LARGE1: variants seen among roughly 807,000 people sequenced by gnomAD.
LARGE1 encodes the protein xylosyl- and glucuronyltransferase LARGE1.
A neutral mutation model predicts 87.6 loss-of-function variants in LARGE1; 43 were observed. The ratio of observed to expected loss-of-function variants is 0.49; its 90% CI spans 0.38 to 0.63. LARGE1 has a LOEUF of 0.63. Among genes scored for constraint, LARGE1 ranks in the 30% least tolerant of loss-of-function variants. The pLI is 0.00. For missense variants in LARGE1, 802 were observed against 1,000.2 expected (o/e 0.80, Z 2.67); for synonymous variants, 434 against 394.6 (o/e 1.10, Z -1.18).
intron 1 of LARGE1, among the ~76,000 whole-genome samples, chr22:33,840,663 T>TC (rs1321281031): frequency 2.0e-5 from 3 of 149,630 alleles, no homozygotes; most frequent in Non-Finnish European, 4.4e-5. Context: ...TAATTCGACT[T>TC]AGATTTTTCA....
chr22:33,331,410 C>CT lies in LARGE1; in HGVS notation c.1287+6235dup, dbSNP rs35310608. ...TTTCTCTCTCTCTTTCTCTTCTTAT[C>CT]TTTTTTTTTTTTTTTTGACGGAGTC... On this transcript the variant is annotated intron_variant, in intron 10 of 14. Coordinates refer to ENST00000397394, the MANE Select transcript of LARGE1 (RefSeq NM_133642.5). Among the ~76,000 whole-genome samples the CT allele has an allele frequency of 6.1e-3, 827 of 135,460 alleles. 5 individuals carry two copies. The highest frequency in any genetic ancestry group is 8.8e-3 in the African/African-American group (313 of 35,512). The allele number at this position is 135,460 out of a possible 152,430, so 88.9% of individuals were successfully genotyped here. A position where few individuals can be genotyped will look rare whatever the true frequency, so the allele number is the denominator to read the frequency against.
chr22:33,106,633 T>C, the LARGE1 span, among the ~76,000 whole-genome samples: 11 of 152,054 alleles, frequency 7.2e-5, no homozygotes, highest in African/African-American at 2.7e-4. Context: ...GTAGCTGGGA[T>C]TACAGGCATG....
chr22:33,900,996 G>A lies in LARGE1; in HGVS notation c.-83+18999C>T, dbSNP rs113552867. Among the ~76,000 whole-genome samples the A allele has an allele frequency of 1.1e-4, 16 of 152,270 alleles. 1 individual carries two copies. Among genetic ancestry groups the A allele is most frequent in the South Asian group, 4.2e-4 (2 of 4,810 alleles). Reference sequence around the variant, plus strand: ...CGGGAGACAGAGGTTGCAGTGAGCCGAGATCGCGCTACTGCACTCTAACCT... The same window carrying A: ...CGGGAGACAGAGGTTGCAGTGAGCCAAGATCGCGCTACTGCACTCTAACCT... On this transcript the variant is annotated intron_variant, in intron 1 of 14. Transcript: ENST00000397394.
chr22:33,572,191 TA>T, intron 5 of LARGE1: 2 of 1,289,762 alleles, frequency 1.6e-6, no homozygotes, highest in Non-Finnish European at 1.0e-6. Flanking sequence ...TGACATATTT[TA>T]AAAAATTAAA....
chr22:33,828,100 C>T (rs972052081), intron 1 of LARGE1, among the ~76,000 whole-genome samples: 15 of 152,140 alleles, frequency 9.9e-5, no homozygotes, highest in African/African-American at 2.2e-4. Context: ...CCAGAAGAGA[C>T]GCAGTGTAAA....
upstream of LARGE1, among the ~76,000 whole-genome samples, chr22:33,921,344 G>A (rs957636164): frequency 1.1e-4 from 16 of 152,338 alleles, no homozygotes; most frequent in Middle Eastern, 3.4e-3. This position sits in a 1 kb window ranked among gnomAD's most constrained non-coding sequence, Gnocchi z 4.1. Flanking sequence ...GCTCCCGGCC[G>A]CCTCGGGCTT....
chr22:33,150,079 A>G, the LARGE1 span, among the ~76,000 whole-genome samples: 32 of 152,244 alleles, frequency 2.1e-4, no homozygotes, highest in East Asian at 6.0e-3. Context: ...TAAAACTTAA[A>G]TTTGTTTTAT....
In LARGE1 at chr22:33,337,731, T is replaced by C. The variant is rs759576401; in HGVS notation, c.1202A>G (p.Tyr401Cys). The C allele has an allele frequency of 1.2e-6, 2 of 1,613,942 alleles. No individual in the cohort carries two copies. The highest frequency in any genetic ancestry group is 8.5e-7 in the Non-Finnish European group (1 of 1,179,992). The change falls in exon 10 of 15, where the codon TAC becomes TGC. Residue 401 changes from tyrosine to cysteine, a missense_variant. Coordinates refer to ENST00000397394, the MANE Select transcript of LARGE1 (RefSeq NM_133642.5). ...NKHVEFFRNLYLTFLEYDGNL... is the reference protein window; with the variant it reads ...NKHVEFFRNLCLTFLEYDGNL... ...GCCGTCATACTCCAGGAAGGTCAGG[T>C]AGAGGTTGCGAAAAAACTCCACATG...
At chr22:33,786,595 T>G (rs1202301617) in intron 1 of LARGE1, among the ~76,000 whole-genome samples, 1 of 152,180 alleles carries the variant, frequency 6.6e-6, no homozygotes, top group Non-Finnish European at 1.5e-5. Context: ...AGAATTCTCC[T>G]CCCTTCAGAG....
At chr22:33,897,166 C>G (rs555067310) in intron 1 of LARGE1, among the ~76,000 whole-genome samples, 1 of 152,160 alleles carries the variant, frequency 6.6e-6, no homozygotes, top group Admixed American at 6.5e-5. Context: ...GAAATGAAAG[C>G]CTCAGGTTGA....
chr22:33,730,707 T>G (rs80312116), intron 2 of LARGE1, among the ~76,000 whole-genome samples: 1 of 150,136 alleles, frequency 6.7e-6, no homozygotes, highest in Non-Finnish European at 1.5e-5. Flanking sequence ...ACTTTTTTTT[T>G]GAGACGGAGT....
At chr22:33,769,052 G>A (rs561022810) in intron 1 of LARGE1, among the ~76,000 whole-genome samples, 1 of 152,330 alleles carries the variant, frequency 6.6e-6, no homozygotes, top group East Asian at 1.9e-4. Context: ...GTGCAGTAGG[G>A]CAAACTGTTC....
chr22:33,543,593 T>C (rs1228510133), intron 6 of LARGE1, among the ~76,000 whole-genome samples: 1 of 152,220 alleles, frequency 6.6e-6, no homozygotes, highest in Non-Finnish European at 1.5e-5. Flanking sequence ...TTTATTTACT[T>C]AGCATGGGTT....
intron 5 of LARGE1, among the ~76,000 whole-genome samples, chr22:33,582,781 C>T (rs2148878760): frequency 6.6e-6 from 1 of 152,346 alleles, no homozygotes; most frequent in Non-Finnish European, 1.5e-5. Context: ...AGACTCTTGG[C>T]ATCTGAGCCC....
chr22:33,146,046 C>T, the LARGE1 span, among the ~76,000 whole-genome samples: 3 of 152,176 alleles, frequency 2.0e-5, no homozygotes, highest in East Asian at 1.9e-4. Context: ...CTTTTTCCCA[C>T]GTCTCTAAGG....
At chr22:33,620,194 A>T (rs151292770) in intron 4 of LARGE1, among the ~76,000 whole-genome samples, 2 of 152,322 alleles carry the variant, frequency 1.3e-5, no homozygotes, top group Non-Finnish European at 2.9e-5. Flanking sequence ...AAAAACAACT[A>T]CTTGATATGC....
At chr22:33,112,896 T>G in the LARGE1 span, among the ~76,000 whole-genome samples, 2 of 152,170 alleles carry the variant, frequency 1.3e-5, no homozygotes, top group African/African-American at 2.4e-5. Flanking sequence ...CTGTCTTCTC[T>G]GCCAGGAAAA....
At chr22:33,181,561 G>A (rs1341804048) in intron 11 of LARGE1, among the ~76,000 whole-genome samples, 4 of 146,890 alleles carry the variant, frequency 2.7e-5, no homozygotes, top group South Asian at 4.3e-4. Context: ...ATGTAGTCTC[G>A]CTCTGTCACC....
intron 6 of LARGE1, among the ~76,000 whole-genome samples, chr22:33,533,537 T>C (rs1250930203): frequency 6.6e-6 from 1 of 152,214 alleles, no homozygotes; most frequent in Non-Finnish European, 1.5e-5. Context: ...TCCCTCAGCC[T>C]TAGTTGTTTA....
Sources: gnomAD v4.1 joint callset for allele counts (sites outside exome capture counted in the v4.1 genomes callset) on GRCh38, gnomAD v4.1.1 for gene constraint, Gnocchi (gnomAD v3.1) non-coding constraint, MANE v1.5 for transcripts, NCBI Gene and HGNC (gene_info 2026-07-23, HGNC 2026-07-21) for gene names.